The following DNAH5 variants were observed in gnomAD, a reference collection of about 807,000 sequenced individuals.
DNAH5 encodes the protein dynein axonemal heavy chain 5, also known as axonemal beta dynein heavy chain 5.
In DNAH5, 372 loss-of-function variants were observed where a neutral mutation model predicts 518.2. The observed-to-expected ratio is 0.72, with a 90% CI of 0.66 to 0.78. The LOEUF (loss-of-function observed/expected upper bound fraction) is 0.78. Ranked by LOEUF, DNAH5 falls within the 30% of genes least tolerant of loss-of-function variation. DNAH5 has a pLI of 0.00. For synonymous variants in DNAH5, 2,039 were observed against 2,025.9 expected, an observed-to-expected ratio of 1.01 and a Z score of -0.17; for missense variants, 5,523 against 5,687.0, an observed-to-expected ratio of 0.97 and a Z score of 0.93.
chr5:13,788,477 C>A (rs191555373), intron 51 of DNAH5, among the ~76,000 whole-genome samples: 266 of 152,244 alleles, frequency 1.7e-3, no homozygotes, highest in Non-Finnish European at 3.1e-3. Flanking sequence ...CCGAATCCTG[C>A]CCCCCAACTC....
rs887567785 is a variant in DNAH5, at chr5:13,915,492, G to C, written c.1198-850C>G. On this transcript the variant is annotated intron_variant, in intron 9 of 78. Coordinates refer to ENST00000265104, the MANE Select transcript of DNAH5 (RefSeq NM_001369.3). ...TTTACTTGTGGGTGTCATTTACCCA[G>C]GGAATACTCTCGCAACCCTAACATA... Among the ~76,000 whole-genome samples, 7 of 151,998 alleles carry C rather than the reference G, an allele frequency of 4.6e-5. No homozygotes were observed. The East Asian group carries it at 1.4e-3, about 29-fold the overall frequency.
At chr5:13,893,939 C>T (rs1167214053) in intron 16 of DNAH5, among the ~76,000 whole-genome samples, 1 of 150,298 alleles carries the variant, frequency 6.7e-6, no homozygotes, top group African/African-American at 2.4e-5. Flanking sequence ...AAAACCATTA[C>T]CACGTTCCAA....
At chr5:13,983,392 A>T (rs1782820777) in intron 1 of DNAH5, among the ~76,000 whole-genome samples, 1 of 152,232 alleles carries the variant, frequency 6.6e-6, no homozygotes, top group South Asian at 2.1e-4. Flanking sequence ...TCTTAAAAAT[A>T]ATCAAGGACT....
intron 1 of DNAH5, among the ~76,000 whole-genome samples, chr5:13,957,456 T>C (rs1780837235): frequency 6.6e-6 from 1 of 152,208 alleles, no homozygotes; most frequent in South Asian, 2.1e-4. Context: ...AGTCTTCTCT[T>C]TTTCAATTCT....
At chr5:13,817,870 C>T (rs957309609) in intron 41 of DNAH5, among the ~76,000 whole-genome samples, 176 bp from the exon 42 acceptor site, 1 of 152,174 alleles carries the variant, frequency 6.6e-6, no homozygotes, top group Non-Finnish European at 1.5e-5. Context: ...CTTCATTATA[C>T]TTTATTGACT....
chr5:13,968,030 C>A (rs1021309168), intron 1 of DNAH5, among the ~76,000 whole-genome samples: 1 of 152,076 alleles, frequency 6.6e-6, no homozygotes, highest in African/African-American at 2.4e-5. Flanking sequence ...AGGTCCTTCA[C>A]CTCCTTGGTT....
At chr5:13,760,926 G>C (rs1751684307) in intron 60 of DNAH5, among the ~76,000 whole-genome samples, 1 of 152,148 alleles carries the variant, frequency 6.6e-6, no homozygotes, top group Non-Finnish European at 1.5e-5. Context: ...AGTGAATGCG[G>C]GTCTGTGTAA....
chr5:13,765,044 AG>A (rs1254500080), intron 59 of DNAH5, among the ~76,000 whole-genome samples: 2 of 152,208 alleles, frequency 1.3e-5, no homozygotes, highest in African/African-American at 4.8e-5. Context: ...TGTGTTTTTG[AG>A]GTCATTTACA....
chr5:13,807,743 G>GA lies in DNAH5; in HGVS notation c.7753-19dup, dbSNP rs369652511. On this transcript the variant is annotated intron_variant, in intron 46 of 78. Transcript: ENST00000265104. Reference sequence around the variant, plus strand: ...AGCACAGCCTAAAATAGAGGGAATTGAAAAAAAAAGAAATGAAATAAATGA... The same window carrying GA: ...AGCACAGCCTAAAATAGAGGGAATTGAAAAAAAAAAGAAATGAAATAAATGA... 7.0e-4 allele frequency: 1,095 copies of GA among 1,560,234 alleles called. No homozygotes were observed. Among genetic ancestry groups the GA allele is most frequent in the African/African-American group, 1.7e-3 (123 of 72,946 alleles).
intron 52 of DNAH5, among the ~76,000 whole-genome samples, chr5:13,781,641 A>AT (rs1325900281): frequency 1.3e-5 from 2 of 151,698 alleles, no homozygotes; most frequent in Admixed American, 6.6e-5. Flanking sequence ...CATCTTCCTC[A>AT]TTTTTTGTCT....
chr5:13,773,380 T>TA (rs1311880244), intron 55 of DNAH5, among the ~76,000 whole-genome samples: 3 of 151,860 alleles, frequency 2.0e-5, no homozygotes, highest in Non-Finnish European at 4.4e-5. Flanking sequence ...ATTGAATAAA[T>TA]AAAAAAGATG....
At chr5:13,709,292 C>G (rs1743189084) in intron 75 of DNAH5, among the ~76,000 whole-genome samples, 1 of 152,058 alleles carries the variant, frequency 6.6e-6, no homozygotes, top group South Asian at 2.1e-4. Context: ...ATGTTAGAAG[C>G]ACCAAATGAT....
chr5:13,931,298 C>T, intron 1 of DNAH5, 54 bp from the exon 2 acceptor site: 2 of 1,607,508 alleles, frequency 1.2e-6, no homozygotes, highest in Non-Finnish European at 1.7e-6. Flanking sequence ...CAAGTGGATT[C>T]ATTTTGTAAT....
At chr5:13,781,043 C>T in intron 52 of DNAH5, 84 bp from the exon 53 acceptor site, 1 of 1,450,858 alleles carries the variant, frequency 6.9e-7, no homozygotes, top group South Asian at 1.2e-5. Flanking sequence ...TGAATAAGGC[C>T]TAATTATTAT....
At chr5:13,761,346 C>T (rs1034848815) in intron 60 of DNAH5, among the ~76,000 whole-genome samples, 3 of 152,192 alleles carry the variant, frequency 2.0e-5, no homozygotes, top group African/African-American at 7.2e-5. Flanking sequence ...GTAATCACAG[C>T]ACTTTGGGAG....
chr5:13,833,573 T>C (rs896913200), intron 35 of DNAH5, among the ~76,000 whole-genome samples: 8 of 152,194 alleles, frequency 5.3e-5, no homozygotes, highest in African/African-American at 1.9e-4. Flanking sequence ...GTCCACACAA[T>C]GATTCCCAAA....
chr5:13,898,935 T>G (rs901721683), intron 15 of DNAH5: 3 of 231,838 alleles, frequency 1.3e-5, no homozygotes, highest in Non-Finnish European at 2.5e-5. Flanking sequence ...TGTTGTTTTT[T>G]GTTTGTTTGT....
At chr5:13,776,809 G>A (rs1754160505) in intron 54 of DNAH5, 103 bp from the exon 55 acceptor site, 1 of 1,289,404 alleles carries the variant, frequency 7.8e-7, no homozygotes, top group Non-Finnish European at 1.1e-6. Flanking sequence ...TTGTGTTCTT[G>A]AACTCACCTA....
intron 12 of DNAH5, among the ~76,000 whole-genome samples, chr5:13,906,456 G>T (rs1025179031): frequency 3.3e-5 from 5 of 152,130 alleles, no homozygotes; most frequent in Non-Finnish European, 1.5e-5. Flanking sequence ...ATTTAATGAG[G>T]TGTAAAATAT....
Sources: allele counts gnomAD v4.1 joint callset (sites outside exome capture counted in the v4.1 genomes callset), GRCh38; gene constraint gnomAD v4.1.1; transcripts MANE v1.5; gene names NCBI Gene and HGNC (gene_info 2026-07-23, HGNC 2026-07-21).